IARS2: variants seen among roughly 807,000 people sequenced by gnomAD.
IARS2 encodes the protein isoleucine--tRNA ligase, mitochondrial.
A neutral mutation model predicts 126.3 loss-of-function variants in IARS2; 56 were observed. The observed-to-expected ratio is 0.44, with a 90% CI of 0.36 to 0.55. The LOEUF (loss-of-function observed/expected upper bound fraction) is 0.55. IARS2 is among the 20% of genes least tolerant of loss of function. IARS2 has a pLI of 0.00. For missense variants in IARS2, 1,127 were observed against 1,245.9 expected (o/e 0.90, Z 1.44); for synonymous variants, 407 against 441.1 (o/e 0.92, Z 0.97).
chr1:220,133,098 C>T (rs1657302829), intron 14 of IARS2, among the ~76,000 whole-genome samples: 1 of 151,796 alleles, frequency 6.6e-6, no homozygotes. Flanking sequence ...GTAACCTCCA[C>T]CTCCCAGGTT....
chr1:220,131,756 G>A (rs1277323448), intron 14 of IARS2, among the ~76,000 whole-genome samples: 1 of 150,644 alleles, frequency 6.6e-6, no homozygotes, highest in South Asian at 2.1e-4. Context: ...AAAGTGCTGG[G>A]ATTACAGGCA....
At chr1:220,135,583 C>T (rs946210876) in intron 15 of IARS2, among the ~76,000 whole-genome samples, 3 of 151,468 alleles carry the variant, frequency 2.0e-5, no homozygotes, top group Non-Finnish European at 2.9e-5. Context: ...TGGTCTCAAA[C>T]TCCTGCTCTC....
Position 220,102,733 on chromosome 1 carries a change from G to A in IARS2, c.906G>A (p.Trp302Ter), listed in dbSNP as rs1451784551. Residue 302 changes from tryptophan to a stop codon, truncating the protein, a stop_gained, in exon 7 of 23, where the codon TGG becomes TGA. Coordinates refer to ENST00000366922, the MANE Select transcript of IARS2 (RefSeq NM_018060.4). LOFTEE classifies it high-confidence loss of function. ...VSILVWTTQP[W>*]TIPANEAVCY... ...TTTTGGTCTGGACCACACAACCTTG[G>A]ACGATTCCAGCCAATGAAGCTGTTT... 1.2e-6 allele frequency: 2 copies of A among 1,613,788 alleles called. No homozygotes were observed. The highest frequency in any genetic ancestry group is 1.7e-5 in the Admixed American group (1 of 60,026).
chr1:220,117,927 C>T, intron 12 of IARS2: 1 of 518,478 alleles, frequency 1.9e-6, no homozygotes, highest in East Asian at 5.5e-5. Flanking sequence ...TCTGTCAATT[C>T]ATAGGTCATT....
intron 18 of IARS2, among the ~76,000 whole-genome samples, chr1:220,139,662 A>G (rs1657448452): frequency 6.6e-6 from 1 of 152,068 alleles, no homozygotes; most frequent in South Asian, 2.1e-4. Context: ...GAGGCAGGAG[A>G]ATCGCTTGAG....
intron 2 of IARS2, among the ~76,000 whole-genome samples, chr1:220,099,211 CAA>C (rs1184799314): frequency 6.1e-5 from 3 of 49,256 alleles, no homozygotes; most frequent in African/African-American, 1.6e-4. Flanking sequence ...GACTCCGTCT[CAA>C]AAAAAAAAAA....
intron 15 of IARS2, chr1:220,134,796 C>G: frequency 5.7e-6 from 1 of 173,934 alleles, no homozygotes; most frequent in Non-Finnish European, 1.1e-5. Flanking sequence ...GAAAAAGGAT[C>G]GCATTCAGTC....
At chr1:220,126,875 A>T in intron 14 of IARS2, 32 bp downstream of exon 14, 1 of 1,475,714 alleles carries the variant, frequency 6.8e-7, no homozygotes, top group Non-Finnish European at 9.3e-7. Context: ...ATGCCGATCA[A>T]GAAGTTTTGA....
At chr1:220,100,766 C>A in intron 3 of IARS2, 117 bp downstream of exon 3, 1 of 609,352 alleles carries the variant, frequency 1.6e-6, no homozygotes. Flanking sequence ...ATAATAAGAT[C>A]TATTGGAAAC....
At chr1:220,115,959 G>T (rs1293443946) in intron 12 of IARS2, among the ~76,000 whole-genome samples, 1 of 152,158 alleles carries the variant, frequency 6.6e-6, no homozygotes, top group African/African-American at 2.4e-5. Context: ...AGTGGCTCAT[G>T]CCTGTAATCC....
intron 10 of IARS2, among the ~76,000 whole-genome samples, chr1:220,107,627 C>CTATT (rs1389079285): frequency 2.0e-5 from 3 of 152,176 alleles, no homozygotes; most frequent in South Asian, 2.1e-4. Flanking sequence ...AAGACTAAGG[C>CTATT]TATTTAGACC....
At chr1:220,139,446 A>T (rs1423592151) in intron 18 of IARS2, among the ~76,000 whole-genome samples, 1 of 152,182 alleles carries the variant, frequency 6.6e-6, no homozygotes, top group East Asian at 1.9e-4. Context: ...TTTCATATAG[A>T]CTTAAATAAT....
intron 3 of IARS2, among the ~76,000 whole-genome samples, 166 bp downstream of exon 3, chr1:220,100,815 A>G (rs1293163602): frequency 6.6e-6 from 1 of 152,140 alleles, no homozygotes; most frequent in Non-Finnish European, 1.5e-5. Flanking sequence ...TATTTCATTG[A>G]TTTTTGTAAG....
At chr1:220,096,296 C>A in intron 2 of IARS2, 70 bp downstream of exon 2, 3 of 909,420 alleles carry the variant, frequency 3.3e-6, no homozygotes, top group Non-Finnish European at 4.7e-6. Context: ...AATGTGTATT[C>A]TAATTATATG....
chr1:220,112,129 T>TACCCCTTAACAATTGGA (rs1371571717), intron 11 of IARS2, among the ~76,000 whole-genome samples: 13 of 107,652 alleles, frequency 1.2e-4, no homozygotes, highest in South Asian at 1.0e-3. Context: ...ACCTACTTTT[T>TACCCCTTAACAATTGGA]TTTTTTTTTT....
chr1:220,114,335 T>A lies in IARS2; in HGVS notation c.1501T>A (p.Phe501Ile). Residue 501 changes from phenylalanine (F) to isoleucine (I), a missense_variant, in exon 12 of 23, where the codon TTT (phenylalanine) becomes ATT (isoleucine). By Grantham distance (21) the Phe-to-Ile change is conservative. Coordinates refer to ENST00000366922, the MANE Select transcript of IARS2 (RefSeq NM_018060.4). ...GCAGGAATTGTTAAAAAAGGTGAAA[T>A]TTATTCCTGGATCAGCACTGAATGG... ...AAKELLKKVK[F>I]IPGSALNGMV... 1 of 1,613,928 alleles carries A rather than the reference T, an allele frequency of 6.2e-7. No individual in the cohort carries two copies. The highest frequency in any genetic ancestry group is 8.5e-7 in the Non-Finnish European group (1 of 1,179,844).
chr1:220,122,889 T>G (rs1657076506), intron 12 of IARS2, among the ~76,000 whole-genome samples: 1 of 152,102 alleles, frequency 6.6e-6, no homozygotes, highest in African/African-American at 2.4e-5. Context: ...GTTTTACTGT[T>G]TTATTTTACT....
At chr1:220,106,704 C>G (rs1656688610) in intron 9 of IARS2, among the ~76,000 whole-genome samples, 1 of 149,770 alleles carries the variant, frequency 6.7e-6, no homozygotes, top group Non-Finnish European at 1.5e-5. Flanking sequence ...ATGATCTCGG[C>G]TCACTGCAAC....
At position 220,141,853 on chromosome 1, in the gene IARS2, C is replaced by T; in HGVS notation, c.2465C>T (p.Ala822Val). 1 of 1,614,146 alleles carries T rather than the reference C, an allele frequency of 6.2e-7. No homozygotes were observed. ...CCCAAACGACGCTCTTGTCAGACTG[C>T]ATTAGTTGAAATTTTGGATGTAATA... Reference protein sequence around the residue: ...NDPKRRSCQTALVEILDVIVR... With the variant: ...NDPKRRSCQTVLVEILDVIVR... Residue 822 changes from alanine to valine, a missense_variant, in exon 20 of 23, where the codon GCA becomes GTA. Physicochemically the swap from Ala to Val is moderately conservative, Grantham distance 64 (BLOSUM62 0). Transcript: ENST00000366922.
Sources: gnomAD v4.1 joint callset for allele counts (sites outside exome capture counted in the v4.1 genomes callset) on GRCh38, gnomAD v4.1.1 for gene constraint, MANE v1.5 for transcripts, NCBI Gene and HGNC (gene_info 2026-07-23, HGNC 2026-07-21) for gene names.